RIT2: variants seen among roughly 807,000 people sequenced by gnomAD.
RIT2 encodes GTP-binding protein Rit2.
A neutral mutation model predicts 23.7 loss-of-function variants in RIT2; 24 were observed. The observed-to-expected ratio is 1.01, with a 90% CI of 0.73 to 1.43. RIT2 has a LOEUF of 1.43. RIT2 is among the 40% of genes most tolerant of loss of function. The pLI, the probability that RIT2 is intolerant of heterozygous loss-of-function variation, is 0.00. For missense variants in RIT2, 236 were observed against 266.9 expected, an observed-to-expected ratio of 0.88 and a Z score of 0.81; for synonymous variants, 107 against 91.1, an observed-to-expected ratio of 1.17 and a Z score of -0.99.
At chr18:43,034,510 C>A (rs545860203) in intron 1 of RIT2, among the ~76,000 whole-genome samples, 1 of 152,198 alleles carries the variant, frequency 6.6e-6, no homozygotes, top group Non-Finnish European at 1.5e-5. Flanking sequence ...AGTATTTCCT[C>A]ATGTGAATTT....
intron 4 of RIT2, among the ~76,000 whole-genome samples, chr18:42,802,746 C>T (rs981659198): frequency 1.3e-5 from 2 of 152,166 alleles, no homozygotes; most frequent in Admixed American, 6.5e-5. Context: ...TCTTCTGACA[C>T]TGCTGATTAC....
intron 2 of RIT2, among the ~76,000 whole-genome samples, chr18:43,002,445 A>G (rs1312070706): frequency 6.6e-6 from 1 of 151,878 alleles, no homozygotes; most frequent in Non-Finnish European, 1.5e-5. Context: ...CTTCAATCCA[A>G]TCAAGTTGAC....
intron 2 of RIT2, among the ~76,000 whole-genome samples, chr18:43,030,422 T>C (rs886952407): frequency 1.3e-5 from 2 of 151,932 alleles, no homozygotes; most frequent in African/African-American, 4.8e-5. Flanking sequence ...GTGGATGTGG[T>C]TGATGCCCAA....
chr18:42,902,681 AT>A (rs1908508153), intron 4 of RIT2, among the ~76,000 whole-genome samples: 1 of 151,778 alleles, frequency 6.6e-6, no homozygotes, highest in Admixed American at 6.6e-5. Flanking sequence ...CAGAAAAAAA[AT>A]AAATATGTTT....
intron 1 of RIT2, among the ~76,000 whole-genome samples, chr18:43,060,328 G>A (rs978870013): frequency 6.6e-6 from 1 of 152,120 alleles, no homozygotes; most frequent in African/African-American, 2.4e-5. Flanking sequence ...TGTTATGATT[G>A]AGTAATAAAA....
chr18:43,077,826 T>C (rs1437789546), intron 1 of RIT2, among the ~76,000 whole-genome samples: 1 of 152,204 alleles, frequency 6.6e-6, no homozygotes, highest in Non-Finnish European at 1.5e-5. Context: ...AACAGTAATG[T>C]CTAGAGCAGG....
At chr18:42,960,426 T>C (rs1211485638) in intron 3 of RIT2, among the ~76,000 whole-genome samples, 2 of 152,218 alleles carry the variant, frequency 1.3e-5, no homozygotes, top group Admixed American at 1.3e-4. Context: ...GCAATTTTCC[T>C]GCCTCTGCCT....
At chr18:43,037,840 T>G (rs1221973973) in intron 1 of RIT2, among the ~76,000 whole-genome samples, 1 of 152,170 alleles carries the variant, frequency 6.6e-6, no homozygotes, top group African/African-American at 2.4e-5. Flanking sequence ...CTGTTTGGTC[T>G]GTTTTTCTGG....
chr18:42,874,294 T>C (rs1023900775), intron 4 of RIT2, among the ~76,000 whole-genome samples: 4 of 152,162 alleles, frequency 2.6e-5, no homozygotes, highest in Admixed American at 6.6e-5. Context: ...TTTAATGGAC[T>C]CTTGCTGCAG....
intron 1 of RIT2, among the ~76,000 whole-genome samples, chr18:43,113,172 G>A (rs965322210): frequency 2.0e-5 from 3 of 152,150 alleles, no homozygotes; most frequent in Admixed American, 6.5e-5. Flanking sequence ...GTGCTTGAAT[G>A]TTTATATGCT....
intron 4 of RIT2, among the ~76,000 whole-genome samples, chr18:42,782,546 G>C (rs1040574266): frequency 2.0e-5 from 3 of 152,102 alleles, no homozygotes; most frequent in African/African-American, 7.2e-5. Flanking sequence ...AGGATAGGTA[G>C]ATAGATGCAA....
chr18:43,056,701 C>T (rs953765313), intron 1 of RIT2, among the ~76,000 whole-genome samples: 9 of 152,120 alleles, frequency 5.9e-5, no homozygotes, highest in African/African-American at 2.2e-4. Flanking sequence ...AAGCCAAAGT[C>T]TATGGAGACT....
intron 4 of RIT2, among the ~76,000 whole-genome samples, chr18:42,805,411 A>G (rs1337520110): frequency 6.6e-6 from 1 of 152,212 alleles, no homozygotes; most frequent in Non-Finnish European, 1.5e-5. Context: ...GTTGAAAAAG[A>G]GAGTATTTCA....
chr18:42,743,794 G>A (rs1413266113), intron 4 of RIT2, 74 bp from the exon 5 acceptor site: 1 of 1,186,838 alleles, frequency 8.4e-7, no homozygotes, highest in African/African-American at 1.6e-5. Flanking sequence ...TTCTCTACTA[G>A]AGCTGTGTGT....
chr18:42,790,511 C>T (rs1236498680), intron 4 of RIT2, among the ~76,000 whole-genome samples: 2 of 152,198 alleles, frequency 1.3e-5, no homozygotes, highest in Non-Finnish European at 2.9e-5. Context: ...GGCGCCATCT[C>T]GGCTCACTGC....
chr18:42,816,351 T>C (rs1905998453), intron 4 of RIT2, among the ~76,000 whole-genome samples: 1 of 152,114 alleles, frequency 6.6e-6, no homozygotes, highest in Non-Finnish European at 1.5e-5. Context: ...TGTCCTTCTG[T>C]ATCTAGGGGA....
At chr18:42,868,884 C>T (rs771579564) in intron 4 of RIT2, among the ~76,000 whole-genome samples, 47 of 152,116 alleles carry the variant, frequency 3.1e-4, no homozygotes, top group Non-Finnish European at 5.1e-4. Context: ...TAATTTAGTA[C>T]ACCAATTATA....
At chr18:42,882,474 A>G (rs1907920741) in intron 4 of RIT2, among the ~76,000 whole-genome samples, 1 of 152,210 alleles carries the variant, frequency 6.6e-6, no homozygotes, top group South Asian at 2.1e-4. Context: ...CCTAGAAGGA[A>G]CTATCAGTCC....
chr18:42,775,365 G>A (rs1252763781), intron 4 of RIT2, among the ~76,000 whole-genome samples: 1 of 152,130 alleles, frequency 6.6e-6, no homozygotes, highest in Non-Finnish European at 1.5e-5. Flanking sequence ...GTGTCCAGAA[G>A]GTAGAGACCC....
Sources: gnomAD v4.1 joint callset for allele counts (sites outside exome capture counted in the v4.1 genomes callset) on GRCh38, gnomAD v4.1.1 for gene constraint, MANE v1.5 for transcripts, NCBI Gene and HGNC (gene_info 2026-07-23, HGNC 2026-07-21) for gene names.